The following CLPP variants were observed in gnomAD, a reference collection of about 807,000 sequenced individuals.
The protein encoded by CLPP is caseinolytic mitochondrial matrix peptidase proteolytic subunit.
A neutral mutation model predicts 27.4 loss-of-function variants in CLPP; 14 were observed. That is an observed-to-expected ratio of 0.51 (90% confidence interval 0.34 to 0.80). The LOEUF (loss-of-function observed/expected upper bound fraction) is 0.80. Among genes scored for constraint, CLPP ranks in the 30% least tolerant of loss-of-function variants. The probability of loss-of-function intolerance (pLI) is 0.02; values close to 1 mark genes in which losing one functional copy is unlikely to be tolerated. For synonymous variants in CLPP, 193 were observed against 166.6 expected (o/e 1.16, Z -1.22); for missense variants, 361 against 403.6 (o/e 0.89, Z 0.90).
intron 4 of CLPP, 141 bp downstream of exon 4, chr19:6,364,780 G>A: frequency 2.6e-6 from 2 of 775,120 alleles, no homozygotes; most frequent in South Asian, 1.9e-5. Flanking sequence ...CCAGGCTGGA[G>A]TGCAGTGGTG....
At position 6,369,719 on chromosome 19, in the gene CLPP, C is replaced by T. The variant is rs1447867111; in HGVS notation, c.*1009C>T. Among the ~76,000 whole-genome samples, 1 of 149,540 alleles carries T rather than the reference C, an allele frequency of 6.7e-6. No homozygotes were observed. Among genetic ancestry groups the T allele is most frequent in the African/African-American group, 2.5e-5 (1 of 40,436 alleles). ...CCAGGCGTGATGGTGCACTTGAACC[C>T]GGGAGGCAGAGGTTGCAGTGAGCCA... is the stretch of plus-strand genomic sequence containing the variant. On this transcript the variant is annotated 3_prime_UTR_variant, in exon 6 of 6. Coordinates refer to ENST00000245816, the MANE Select transcript of CLPP (RefSeq NM_006012.4).
In CLPP at chr19:6,362,005, C is replaced by T. The variant is rs1216882073; in HGVS notation, c.270+65C>T. Reference sequence around the variant, plus strand: ...AAGCGCCTGCCGACACTCCCTGCGCCCCTCCTTCCCTGGCCCCAGACTTTC... The same window carrying T: ...AAGCGCCTGCCGACACTCCCTGCGCTCCTCCTTCCCTGGCCCCAGACTTTC... On this transcript the variant is annotated intron_variant, in intron 2 of 5. Coordinates refer to ENST00000245816, the MANE Select transcript of CLPP (RefSeq NM_006012.4). The T allele has an allele frequency of 3.5e-6, 5 of 1,441,112 alleles. No homozygotes were observed. The African/African-American group carries it at 5.6e-5, about 16-fold the overall frequency. 89.3% of individuals were successfully genotyped at this position (1,441,112 alleles called of 1,614,324 possible).
At position 6,366,320 on chromosome 19, in the gene CLPP, T is replaced by C; in HGVS notation, c.618T>C (p.Tyr206=). Residue 206 remains tyrosine (Y), a synonymous_variant, in exon 5 of 6, where the codon TAT becomes TAC. Coordinates refer to ENST00000245816, the MANE Select transcript of CLPP (RefSeq NM_006012.4). ...EEIMKLKKQL[Y]NIYAKHTKQS... is the part of the protein sequence containing the mutation. ...TCATGAAGCTCAAGAAGCAGCTCTA[T>C]AACATCTACGCCAAGCACACCAAAC... 3 of 1,612,842 alleles carry C rather than the reference T, an allele frequency of 1.9e-6. No individual in the cohort carries two copies. The highest frequency in any genetic ancestry group is 2.5e-6 in the Non-Finnish European group (3 of 1,179,420).
At chr19:6,368,113 C>T (rs1387264010) in intron 5 of CLPP, among the ~76,000 whole-genome samples, 1 of 152,168 alleles carries the variant, frequency 6.6e-6, no homozygotes. Flanking sequence ...AGAATGAGGA[C>T]ATGTCTCAGT....
At chr19:6,362,058 C>G in intron 2 of CLPP, 118 bp downstream of exon 2, 2 of 909,750 alleles carry the variant, frequency 2.2e-6, no homozygotes, top group Non-Finnish European at 3.3e-6. Context: ...CTTCTAACCC[C>G]CTTCCCTCCC....
chr19:6,367,675 T>A (rs956430141), intron 5 of CLPP, among the ~76,000 whole-genome samples: 2 of 151,940 alleles, frequency 1.3e-5, no homozygotes, highest in Non-Finnish European at 2.9e-5. Context: ...CACCAGACAT[T>A]TACGAATCAT....
rs1024973982 is a variant in CLPP at position 6,361,955 on chromosome 19, C to T, written c.270+15C>T. The T allele has an allele frequency of 3.1e-6, 5 of 1,594,934 alleles. No homozygotes were observed. Among genetic ancestry groups the T allele is most frequent in the African/African-American group, 1.3e-5 (1 of 74,794 alleles). ...TCATGGGCCCGGTGAGCGCCCCGCG[C>T]CGGGACCCTCCCCAGGACTCTCCCA... On this transcript the variant is annotated intron_variant, in intron 2 of 5. Coordinates refer to ENST00000245816, the MANE Select transcript of CLPP (RefSeq NM_006012.4).
chr19:6,368,254 G>A (rs2091872062), intron 5 of CLPP, among the ~76,000 whole-genome samples: 1 of 152,072 alleles, frequency 6.6e-6, no homozygotes, highest in African/African-American at 2.4e-5. Flanking sequence ...TTCCTGGCTT[G>A]CAGACGGCCG....
Position 6,361,757 on chromosome 19 carries a change from C to A in CLPP, c.183C>A (p.Ile61=), listed in dbSNP as rs749970393. The change falls in exon 1 of 6, where the codon ATC becomes ATA. Residue 61 remains isoleucine (I), a synonymous_variant. Coordinates refer to ENST00000245816, the MANE Select transcript of CLPP (RefSeq NM_006012.4). ...CCCGGGCTCTCCCGCTCATTCCCAT[C>A]GTGGTGGAGCAGACGGTACGGCGGC... ...TATRALPLIP[I]VVEQTGRGER... 1.1e-5 allele frequency: 16 copies of A among 1,449,012 alleles called. No homozygotes were observed. In the East Asian group the frequency reaches 4.5e-4, roughly 41 times the overall value. The allele number at this position is 1,449,012 out of a possible 1,614,324, so 89.8% of individuals were successfully genotyped here. A position where few individuals can be genotyped will look rare whatever the true frequency, so the allele number is the denominator to read the frequency against.
intron 3 of CLPP, among the ~76,000 whole-genome samples, chr19:6,363,956 T>TAG (rs2091848877): frequency 6.6e-6 from 1 of 151,072 alleles, no homozygotes; most frequent in South Asian, 2.1e-4. Flanking sequence ...CCCAACACTT[T>TAG]GGGAGGATTG....
rs532664577 is a variant in CLPP at position 6,370,074 on chromosome 19, G to A, written c.*1364G>A. The stretch of plus-strand genomic sequence containing the variant: ...AGTTTCCAGAAACTCCGAGCTGATG[G>A]CCCAAAGCAGGAAGATGGAGACCTG... On this transcript the variant is annotated 3_prime_UTR_variant, in exon 6 of 6. Transcript: ENST00000245816. Among the ~76,000 whole-genome samples the A allele has an allele frequency of 6.6e-6, 1 of 152,312 alleles. No homozygotes were observed. Among genetic ancestry groups the A allele is most frequent in the South Asian group, 2.1e-4 (1 of 4,828 alleles).
intron 3 of CLPP, among the ~76,000 whole-genome samples, chr19:6,363,364 C>T (rs1222659041): frequency 3.9e-5 from 6 of 152,018 alleles, no homozygotes; most frequent in Non-Finnish European, 8.8e-5. Context: ...CTCAAGTGAT[C>T]CACCCGCCTC....
At chr19:6,363,050 T>C (rs73561868) in intron 3 of CLPP, among the ~76,000 whole-genome samples, 6,658 of 151,802 alleles carry the variant, frequency 0.044, 342 homozygotes, top group African/African-American at 0.13. Context: ...ATCTCAAAAA[T>C]AATCATAATT....
chr19:6,367,731 T>TG (rs918857837), intron 5 of CLPP, among the ~76,000 whole-genome samples: 4 of 151,744 alleles, frequency 2.6e-5, no homozygotes, highest in Admixed American at 1.3e-4. Flanking sequence ...ATTTTTTTTT[T>TG]TTTTTGAGAT....
intron 2 of CLPP, 78 bp downstream of exon 2, chr19:6,362,018 G>A: frequency 2.2e-6 from 3 of 1,356,678 alleles, no homozygotes; most frequent in South Asian, 2.5e-5. Context: ...TCCTTCCCTG[G>A]CCCCAGACTT....
intron 4 of CLPP, chr19:6,365,202 G>C (rs1029264813): frequency 6.6e-6 from 1 of 151,762 alleles, no homozygotes; most frequent in Non-Finnish European, 1.5e-5. Context: ...AAAAGGCCAG[G>C]CATGGTGGCT....
intron 4 of CLPP, chr19:6,365,199 C>T (rs2091856346): frequency 6.6e-6 from 1 of 151,220 alleles, no homozygotes; most frequent in South Asian, 2.1e-4. Flanking sequence ...AAAAAAAGGC[C>T]AGGCATGGTG....
In CLPP at chr19:6,368,931, G is replaced by C. The variant is rs968933266; in HGVS notation, c.*221G>C. The C allele has an allele frequency of 1.7e-6, 1 of 574,330 alleles. No individual in the cohort carries two copies. The highest frequency in any genetic ancestry group is 1.9e-5 in the African/African-American group (1 of 53,330). 35.6% of individuals were successfully genotyped at this position (574,330 alleles called of 1,614,324 possible). ...CTGCGTCTGGGACACCCTCCCTTCT[G>C]CACCATGACAGCGTGTACACATCTG... On this transcript the variant is annotated 3_prime_UTR_variant, in exon 6 of 6. Transcript: ENST00000245816.
chr19:6,366,343 A>G lies in CLPP; in HGVS notation c.641A>G (p.Lys214Arg). 1 of 1,611,740 alleles carries G rather than the reference A, an allele frequency of 6.2e-7. No homozygotes were observed. Among genetic ancestry groups the G allele is most frequent in the Non-Finnish European group, 8.5e-7 (1 of 1,178,766 alleles). ...TATAACATCTACGCCAAGCACACCA[A>G]ACAGAGCCTGCAGGTGATCGGTAAG... ...QLYNIYAKHT[K>R]QSLQVIESAM... is the part of the protein sequence containing the mutation. The change falls in exon 5 of 6, where the codon AAA becomes AGA. Residue 214 changes from lysine (K) to arginine (R), a missense_variant. Lys to Arg is a conservative substitution (Grantham distance 26, BLOSUM62 2). Coordinates refer to ENST00000245816, the MANE Select transcript of CLPP (RefSeq NM_006012.4).
Sources: gnomAD v4.1 joint callset for allele counts (sites outside exome capture counted in the v4.1 genomes callset) on GRCh38, gnomAD v4.1.1 for gene constraint, MANE v1.5 for transcripts, NCBI Gene and HGNC (gene_info 2026-07-23, HGNC 2026-07-21) for gene names.